Variants in GRID2 observed in about 807,000 individuals in gnomAD.
GRID2 encodes glutamate ionotropic receptor delta type subunit 2, also known as glutamate receptor ionotropic, delta-2.
Under a neutral mutation model 114.8 loss-of-function variants are expected in GRID2, and 33 were observed. The observed-to-expected ratio is 0.29, with a 90% CI of 0.22 to 0.38. GRID2 has a LOEUF of 0.38. Ranked by LOEUF, GRID2 falls within the 10% of genes least tolerant of loss-of-function variation. GRID2 has a pLI of 1.00. For missense variants in GRID2, 1,184 were observed against 1,257.7 expected, an observed-to-expected ratio of 0.94 and a Z score of 0.89; for synonymous variants, 505 against 449.9, an observed-to-expected ratio of 1.12 and a Z score of -1.55.
intron 1 of GRID2, among the ~76,000 whole-genome samples, chr4:92,498,035 A>G (rs556154623): frequency 6.6e-5 from 10 of 152,048 alleles, no homozygotes; most frequent in African/African-American, 2.4e-4. Flanking sequence ...AACAAAACTA[A>G]AAAAGAAAAA....
chr4:92,458,262 CTG>C (rs1042199193), intron 1 of GRID2, among the ~76,000 whole-genome samples: 2 of 152,158 alleles, frequency 1.3e-5, no homozygotes, highest in East Asian at 3.8e-4. Flanking sequence ...CAAAAAGAGA[CTG>C]TGAATCAGAT....
At chr4:92,818,171 T>C (rs1305124528) in intron 2 of GRID2, among the ~76,000 whole-genome samples, 1 of 152,172 alleles carries the variant, frequency 6.6e-6, no homozygotes, top group Non-Finnish European at 1.5e-5. Context: ...GTGAACTTTA[T>C]GTCTGTTATT....
intron 2 of GRID2, among the ~76,000 whole-genome samples, chr4:93,019,228 C>CACATAT (rs1723048592): frequency 6.6e-6 from 1 of 152,132 alleles, no homozygotes; most frequent in South Asian, 2.1e-4. Context: ...CATACATGTA[C>CACATAT]ACATATACAT....
At position 93,224,666 on chromosome 4, in the gene GRID2, A is replaced by T; in HGVS notation, c.1016A>T (p.His339Leu). Residue 339 changes from histidine to leucine, a missense_variant, in exon 7 of 16, where the codon CAT becomes CTT. His to Leu is a moderately conservative substitution (Grantham distance 99, BLOSUM62 -3). Transcript: ENST00000282020. ...GTGCTTCTGCTTGCTAATGCTTTTC[A>T]TAAGAAGCTGGAGGACCGAAAGTGG... ...DTVLLLANAF[H>L]KKLEDRKWHS... 1 of 1,611,778 alleles carries T rather than the reference A, an allele frequency of 6.2e-7. No homozygotes were observed. The highest frequency in any genetic ancestry group is 8.5e-7 in the Non-Finnish European group (1 of 1,178,280).
intron 4 of GRID2, among the ~76,000 whole-genome samples, chr4:93,142,178 A>C (rs1028331177): frequency 2.0e-5 from 3 of 152,300 alleles, no homozygotes; most frequent in South Asian, 4.1e-4. Context: ...GTGCCACTGC[A>C]CTACAGCCTG....
chr4:92,750,750 G>C (rs1245050262), intron 2 of GRID2, among the ~76,000 whole-genome samples: 1 of 152,260 alleles, frequency 6.6e-6, no homozygotes, highest in South Asian at 2.1e-4. Context: ...AGTTGATTTT[G>C]AGTCTCAGTA....
Position 92,402,111 on chromosome 4 carries a change from C to G in GRID2, c.88+97367C>G, listed in dbSNP as rs148407274. On this transcript the variant is annotated intron_variant, in intron 1 of 15. Coordinates refer to ENST00000282020, the MANE Select transcript of GRID2 (RefSeq NM_001510.4). ...CGTAAGAAGCTACTTCTTATCTATTCAAGTTTTATAGTAAGATTGCAGAAC... is the reference window on the plus strand; with the variant it reads ...CGTAAGAAGCTACTTCTTATCTATTGAAGTTTTATAGTAAGATTGCAGAAC... Among the ~76,000 whole-genome samples, 30 of 152,172 alleles carry G rather than the reference C, an allele frequency of 2.0e-4. 2 individuals carry two copies. The East Asian group carries it at 5.8e-3, about 29-fold the overall frequency.
intron 4 of GRID2, among the ~76,000 whole-genome samples, chr4:93,136,139 C>T (rs991355546): frequency 3.9e-5 from 6 of 151,976 alleles, no homozygotes; most frequent in African/African-American, 1.4e-4. Flanking sequence ...GCCTTTCCAA[C>T]GTCACACCAC....
At chr4:93,177,025 G>GA (rs1490834456) in intron 4 of GRID2, among the ~76,000 whole-genome samples, 1 of 152,064 alleles carries the variant, frequency 6.6e-6, no homozygotes, top group Non-Finnish European at 1.5e-5. Flanking sequence ...CTACCTAGCA[G>GA]AAAAAAATTT....
chr4:92,760,308 T>G (rs1216975556), intron 2 of GRID2, among the ~76,000 whole-genome samples: 1 of 151,664 alleles, frequency 6.6e-6, no homozygotes, highest in Non-Finnish European at 1.5e-5. Context: ...GATGCTGTGC[T>G]GTTCCACCCA....
chr4:92,492,864 C>G (rs904018043), intron 1 of GRID2, among the ~76,000 whole-genome samples: 1 of 152,092 alleles, frequency 6.6e-6, no homozygotes, highest in Non-Finnish European at 1.5e-5. Flanking sequence ...CGCAGTGGCT[C>G]ATGCCTCTAA....
At chr4:92,544,541 A>C (rs1726142648) in intron 1 of GRID2, among the ~76,000 whole-genome samples, 1 of 152,084 alleles carries the variant, frequency 6.6e-6, no homozygotes, top group Non-Finnish European at 1.5e-5. Flanking sequence ...AATGCTTTTA[A>C]TTGATTTTTT....
chr4:92,494,536 G>T (rs1723298039), intron 1 of GRID2, among the ~76,000 whole-genome samples: 3 of 151,780 alleles, frequency 2.0e-5, no homozygotes, highest in Admixed American at 1.3e-4. Flanking sequence ...ATGTATCTAG[G>T]CTTTGTTTTA....
intron 14 of GRID2, among the ~76,000 whole-genome samples, chr4:93,733,978 G>A (rs1413676756): frequency 3.3e-5 from 5 of 151,994 alleles, no homozygotes; most frequent in Non-Finnish European, 7.4e-5. Context: ...CTTCTTAAAT[G>A]TATCCTTTCT....
chr4:92,466,916 A>G (rs1237929253), intron 1 of GRID2, among the ~76,000 whole-genome samples: 2 of 151,728 alleles, frequency 1.3e-5, no homozygotes, highest in African/African-American at 4.8e-5. Flanking sequence ...TATTTTATAT[A>G]ATGGGAAAGT....
chr4:93,264,315 A>G lies in GRID2; in HGVS notation c.1245+25825A>G, dbSNP rs1579472441. ...AGGAATGGTTTTGTCATTTCAAGGA[A>G]GATGACTTCTTTATTTTACTTAAAT... On this transcript the variant is annotated intron_variant, in intron 8 of 15. Transcript: ENST00000282020. Among the ~76,000 whole-genome samples the G allele has an allele frequency of 2.0e-5, 3 of 152,320 alleles. No homozygotes were observed. In the South Asian group the frequency reaches 6.2e-4, roughly 32 times the overall value.
Position 93,440,122 on chromosome 4 carries a change from G to T in GRID2, c.1546-15540G>T, listed in dbSNP as rs10010334. Among the ~76,000 whole-genome samples the T allele has an allele frequency of 1.1e-4, 16 of 151,918 alleles. 1 individual carries two copies. In the East Asian group the frequency reaches 1.6e-3, roughly 15 times the overall value. On this transcript the variant is annotated intron_variant, in intron 10 of 15. Transcript: ENST00000282020. ...GGAGCAACGCTTGTGAATGAAGAAG[G>T]GTTCTCAGCTGGGTGCCTGAAAGCC... is the stretch of plus-strand genomic sequence containing the variant.
intron 1 of GRID2, among the ~76,000 whole-genome samples, chr4:92,425,910 A>G (rs918986859): frequency 6.6e-6 from 1 of 152,034 alleles, no homozygotes; most frequent in African/African-American, 2.4e-5. Context: ...TGTTATTATT[A>G]TTTGTATTTT....
intron 2 of GRID2, among the ~76,000 whole-genome samples, chr4:92,926,218 C>G (rs957920186): frequency 3.3e-5 from 5 of 151,946 alleles, no homozygotes; most frequent in African/African-American, 7.2e-5. Flanking sequence ...AACAAAATAA[C>G]TACAAGGAAA....
Sources: allele counts gnomAD v4.1 joint callset (sites outside exome capture counted in the v4.1 genomes callset), GRCh38; gene constraint gnomAD v4.1.1; transcripts MANE v1.5; gene names NCBI Gene and HGNC (gene_info 2026-07-23, HGNC 2026-07-21).